CDH4: variants seen among roughly 807,000 people sequenced by gnomAD.
CDH4 encodes the protein cadherin 4, also known as cadherin-4.
CDH4 carries 33 observed loss-of-function variants against 86.0 expected under a neutral mutation model. The ratio of observed to expected loss-of-function variants is 0.38; its 90% CI spans 0.29 to 0.51. The LOEUF (loss-of-function observed/expected upper bound fraction) is 0.51, where lower values mean the gene tolerates loss of function less well. CDH4 is among the 20% of genes least tolerant of loss of function. The pLI, the probability that CDH4 is intolerant of heterozygous loss-of-function variation, is 0.86. For synonymous variants in CDH4, 555 were observed against 549.4 expected (o/e 1.01, Z -0.14); for missense variants, 1,114 against 1,307.4 (o/e 0.85, Z 2.28).
At chr20:61,594,734 G>A (rs528189170) in intron 2 of CDH4, among the ~76,000 whole-genome samples, 30 of 152,310 alleles carry the variant, frequency 2.0e-4, no homozygotes, top group African/African-American at 6.3e-4. Flanking sequence ...TGAAGACGCC[G>A]CCGTGTCTGC....
chr20:61,460,623 C>T (rs1243904904), intron 2 of CDH4, among the ~76,000 whole-genome samples: 1 of 152,162 alleles, frequency 6.6e-6, no homozygotes, highest in Admixed American at 6.5e-5. Flanking sequence ...TGCACGGAGG[C>T]GTCCCTAAGT....
intron 2 of CDH4, among the ~76,000 whole-genome samples, chr20:61,630,596 C>T (rs2427201): frequency 0.58 from 88,532 of 152,080 alleles, 25,891 homozygotes; most frequent in East Asian, 0.72. Context: ...GCGCCTTCCT[C>T]CTCCTCTTGG....
At position 61,934,184 on chromosome 20, in the gene CDH4, G is replaced by C; in HGVS notation, c.2508G>C (p.Val836=). Residue 836 remains valine, a synonymous_variant, in exon 15 of 16, where the codon GTG becomes GTC. Coordinates refer to ENST00000614565, the MANE Select transcript of CDH4 (RefSeq NM_001794.5). ...CCCAGTACCCGATCAGGCCCATGGT[G>C]CCGCACCCAGGCGACATCGGTGACT... The part of the protein sequence containing the change: ...AEPQYPIRPM[V]PHPGDIGDFI... The C allele has an allele frequency of 6.3e-7, 1 of 1,587,258 alleles. No homozygotes were observed. The highest frequency in any genetic ancestry group is 8.6e-7 in the Non-Finnish European group (1 of 1,162,732).
chr20:61,318,781 A>G (rs1482252122), intron 2 of CDH4, among the ~76,000 whole-genome samples: 1 of 152,246 alleles, frequency 6.6e-6, no homozygotes, highest in Admixed American at 6.5e-5. Flanking sequence ...TAATCCCTGG[A>G]TATGCACTGA....
Position 61,480,768 on chromosome 20 carries a change from C to T in CDH4, c.169+225831C>T, listed in dbSNP as rs117586769. Among the ~76,000 whole-genome samples, 1,899 of 152,322 alleles carry T rather than the reference C, an allele frequency of 0.012. 8 individuals are homozygous for T. Among genetic ancestry groups the T allele is most frequent in the African/African-American group, 0.021 (893 of 41,572 alleles). ...ATTATCATTCCACCAAAAGAGGTCA[C>T]GAGACTAGAATTGTGATCCAGTTTC... is the stretch of plus-strand genomic sequence containing the variant. On this transcript the variant is annotated intron_variant, in intron 2 of 15. Coordinates refer to ENST00000614565, the MANE Select transcript of CDH4 (RefSeq NM_001794.5). The surrounding 1 kb of genome is among the most constrained non-coding windows in gnomAD (Gnocchi z 5.2).
rs138595000 is a variant in CDH4, at chr20:61,335,709, G to A, written c.169+80772G>A. Among the ~76,000 whole-genome samples, 747 of 152,292 alleles carry A rather than the reference G, an allele frequency of 4.9e-3. 5 individuals are homozygous for A. Among genetic ancestry groups the A allele is most frequent in the South Asian group, 0.037 (179 of 4,818 alleles). ...CCTTTAGAGAAGGAGAGCATAATGCGCCCCACCTGAACACTTCCCTGGCTC... is the reference window on the plus strand; with the variant it reads ...CCTTTAGAGAAGGAGAGCATAATGCACCCCACCTGAACACTTCCCTGGCTC... On this transcript the variant is annotated intron_variant, in intron 2 of 15. Transcript: ENST00000614565.
chr20:61,252,485 T>TGCCGGGC lies in CDH4; in HGVS notation c.-28_-22dup. On this transcript the variant is annotated 5_prime_UTR_variant, in exon 1 of 16. Transcript: ENST00000614565. This position sits in a 1 kb window ranked among gnomAD's most constrained non-coding sequence, Gnocchi z 4.4. Reference sequence around the variant, plus strand: ...GCGGCGGCAGGGAGCGGGCTCCCGGTGCCGGGCACCGGGCGGGCGGCGGGG... The same window carrying TGCCGGGC: ...GCGGCGGCAGGGAGCGGGCTCCCGGTGCCGGGCGCCGGGCACCGGGCGGGCGGCGGGG... 3.6e-6 allele frequency: 4 copies of TGCCGGGC among 1,116,528 alleles called. No individual in the cohort carries two copies. The highest frequency in any genetic ancestry group is 4.4e-6 in the Non-Finnish European group (4 of 914,830). 69.2% of individuals were successfully genotyped at this position (1,116,528 alleles called of 1,614,324 possible). A position where few individuals can be genotyped will look rare whatever the true frequency, so the allele number is the denominator to read the frequency against.
At chr20:61,410,848 T>A (rs967158006) in intron 2 of CDH4, among the ~76,000 whole-genome samples, 2 of 151,896 alleles carry the variant, frequency 1.3e-5, no homozygotes, top group Non-Finnish European at 2.9e-5. Context: ...CATCCATCCA[T>A]CCGTCCGTCC....
At chr20:61,458,957 T>G (rs2085425925) in intron 2 of CDH4, among the ~76,000 whole-genome samples, 1 of 149,906 alleles carries the variant, frequency 6.7e-6, no homozygotes, top group Non-Finnish European at 1.5e-5. Flanking sequence ...ATCCCCACTT[T>G]TTTTTTTTTT....
In CDH4 at chr20:61,879,291, C is replaced by T. The variant is rs1050750486; in HGVS notation, c.1050+5391C>T. Among the ~76,000 whole-genome samples the T allele has an allele frequency of 2.6e-5, 4 of 152,228 alleles. No individual in the cohort carries two copies. Among genetic ancestry groups the T allele is most frequent in the East Asian group, 1.9e-4 (1 of 5,192 alleles). On this transcript the variant is annotated intron_variant, in intron 7 of 15. Coordinates refer to ENST00000614565, the MANE Select transcript of CDH4 (RefSeq NM_001794.5). This position sits in a 1 kb window ranked among gnomAD's most constrained non-coding sequence, Gnocchi z 4.1. ...AGAGCACACATCGGGACCATTTCTC[C>T]ACCAGCCCAGCTTGCCTTGCATCGG...
At chr20:61,389,631 G>A (rs960813005) in intron 2 of CDH4, among the ~76,000 whole-genome samples, 2 of 152,140 alleles carry the variant, frequency 1.3e-5, no homozygotes, top group Non-Finnish European at 2.9e-5. Context: ...ATAGATCGAC[G>A]CTTCTCAACT....
intron 2 of CDH4, among the ~76,000 whole-genome samples, chr20:61,741,163 G>A (rs889010559): frequency 1.3e-5 from 2 of 152,036 alleles, no homozygotes; most frequent in African/African-American, 2.4e-5. Context: ...GAGCCAAGAC[G>A]GCACCACGGC....
At chr20:61,273,552 GA>G (rs1406275513) in intron 2 of CDH4, among the ~76,000 whole-genome samples, 7 of 142,222 alleles carry the variant, frequency 4.9e-5, no homozygotes, top group African/African-American at 1.1e-4. Context: ...GTGCAGTTTG[GA>G]GGAGTACCGT....
chr20:61,333,517 G>A (rs1309636119), intron 2 of CDH4, among the ~76,000 whole-genome samples: 4 of 152,174 alleles, frequency 2.6e-5, no homozygotes, highest in African/African-American at 7.2e-5. Context: ...TTCCAGGAGG[G>A]GTGACTGCAG....
At position 61,927,984 on chromosome 20, in the gene CDH4, G is replaced by A. The variant is rs572611614; in HGVS notation, c.1772-206G>A. On this transcript the variant is annotated intron_variant, in intron 11 of 15. Coordinates refer to ENST00000614565, the MANE Select transcript of CDH4 (RefSeq NM_001794.5). ...GTGGCTGCCCATGGCGTGTGGCAGG[G>A]TGTCGGTCAGGAGCCATGGCTGGAC... Among the ~76,000 whole-genome samples the A allele has an allele frequency of 4.7e-3, 719 of 152,370 alleles. 3 individuals carry two copies. Among genetic ancestry groups the A allele is most frequent in the Non-Finnish European group, 6.1e-3 (412 of 68,036 alleles).
At chr20:61,664,578 C>T (rs950833554) in intron 2 of CDH4, among the ~76,000 whole-genome samples, 2 of 152,248 alleles carry the variant, frequency 1.3e-5, no homozygotes, top group Non-Finnish European at 2.9e-5. Context: ...CACACCGCAT[C>T]AAGAGACCCA....
chr20:61,835,645 G>A (rs970105245), intron 4 of CDH4, among the ~76,000 whole-genome samples: 1 of 152,220 alleles, frequency 6.6e-6, no homozygotes, highest in African/African-American at 2.4e-5. Flanking sequence ...GGGTGAGGCT[G>A]AAATGACCCA....
chr20:61,904,206 G>C (rs1323172961), intron 8 of CDH4, among the ~76,000 whole-genome samples: 1 of 152,198 alleles, frequency 6.6e-6, no homozygotes, highest in Non-Finnish European at 1.5e-5. Context: ...AGGGGCATGA[G>C]GATCAGCACG....
intron 2 of CDH4, among the ~76,000 whole-genome samples, chr20:61,606,699 G>A (rs2086648394): frequency 6.6e-6 from 1 of 152,216 alleles, no homozygotes; most frequent in South Asian, 2.1e-4. Context: ...AGGCCTCCTT[G>A]GCTGCCATGG....
Sources: allele counts gnomAD v4.1 joint callset (sites outside exome capture counted in the v4.1 genomes callset), GRCh38; gene constraint gnomAD v4.1.1; non-coding constraint Gnocchi (gnomAD v3.1); transcripts MANE v1.5; gene names NCBI Gene and HGNC (gene_info 2026-07-23, HGNC 2026-07-21).